The following DDX46 variants were observed in gnomAD, a reference collection of about 807,000 sequenced individuals.
The protein encoded by DDX46 is DEAD-box helicase 46, also known as probable ATP-dependent RNA helicase DDX46.
Under a neutral mutation model 134.9 loss-of-function variants are expected in DDX46, and 30 were observed. The ratio of observed to expected loss-of-function variants is 0.22; its 90% CI spans 0.17 to 0.30. DDX46 has a LOEUF of 0.30. Among genes scored for constraint, DDX46 ranks in the 10% least tolerant of loss-of-function variants. DDX46 has a pLI of 1.00. For missense variants in DDX46, 622 were observed against 1,248.7 expected (o/e 0.50, Z 7.56); for synonymous variants, 415 against 404.1 (o/e 1.03, Z -0.32).
intron 10 of DDX46, 121 bp from the exon 11 acceptor site, chr5:134,785,344 C>G (rs2150143054): frequency 1.6e-6 from 2 of 1,223,974 alleles, no homozygotes; most frequent in South Asian, 2.4e-5. Context: ...TTCAGGGATG[C>G]ATAACAAAAC....
intron 8 of DDX46, among the ~76,000 whole-genome samples, chr5:134,782,550 G>T (rs1221232435): frequency 6.6e-6 from 1 of 151,414 alleles, no homozygotes; most frequent in Non-Finnish European, 1.5e-5. Context: ...TCACTCCATT[G>T]CCCAGGCTAG....
At chr5:134,774,733 C>T (rs1753881644) in intron 5 of DDX46, among the ~76,000 whole-genome samples, 1 of 152,148 alleles carries the variant, frequency 6.6e-6, no homozygotes, top group Non-Finnish European at 1.5e-5. Flanking sequence ...GTTTCATTCT[C>T]TTGCCTAGGC....
intron 18 of DDX46, among the ~76,000 whole-genome samples, chr5:134,813,795 TG>T (rs1382502369): frequency 3.3e-5 from 5 of 151,756 alleles, no homozygotes; most frequent in African/African-American, 1.2e-4. Context: ...TATTTTAAAA[TG>T]TTTTTTTTTT....
intron 20 of DDX46, among the ~76,000 whole-genome samples, chr5:134,818,035 C>T (rs541290161): frequency 6.6e-6 from 1 of 151,548 alleles, no homozygotes; most frequent in Non-Finnish European, 1.5e-5. Flanking sequence ...CCTCAACCTC[C>T]GCCTCCCGGG....
chr5:134,781,847 G>A (rs1052389684), intron 7 of DDX46, 74 bp from the exon 8 acceptor site: 10 of 1,393,658 alleles, frequency 7.2e-6, no homozygotes, highest in South Asian at 1.3e-5. Flanking sequence ...GATTTGAAAA[G>A]CTAGGAGTAT....
chr5:134,795,211 TTTTTTTTTG>T (rs1158243236), intron 14 of DDX46, among the ~76,000 whole-genome samples, 197 bp downstream of exon 14: 316 of 141,134 alleles, frequency 2.2e-3, no homozygotes, highest in African/African-American at 8.3e-3. Context: ...CTTGTTTTTT[TTTTTTTTTG>T]TTTTTTTTTT....
chr5:134,797,324 T>C, intron 15 of DDX46: 2 of 206,888 alleles, frequency 9.7e-6, no homozygotes, highest in South Asian at 6.7e-5. Context: ...CTTATGAATC[T>C]TCAATTTGCG....
chr5:134,770,832 AGTATTT>A (rs1205237748), intron 3 of DDX46, 65 bp from the exon 4 acceptor site: 1 of 1,345,078 alleles, frequency 7.4e-7, no homozygotes, highest in Non-Finnish European at 1.0e-6. Context: ...AAAAAAAAAA[AGTATTT>A]AAAAATGAAT....
chr5:134,823,185 G>A (rs1195362618), intron 21 of DDX46, among the ~76,000 whole-genome samples: 1 of 116,634 alleles, frequency 8.6e-6, no homozygotes, highest in Non-Finnish European at 1.7e-5. Flanking sequence ...TTTTTGACAT[G>A]GAGTCTCGCT....
At chr5:134,819,768 A>C (rs770283418) in intron 21 of DDX46, among the ~76,000 whole-genome samples, 12 of 151,692 alleles carry the variant, frequency 7.9e-5, no homozygotes, top group Non-Finnish European at 1.3e-4. Context: ...TCCTCAGCTC[A>C]AGGGACCCGC....
chr5:134,790,956 C>G (rs914993887), intron 13 of DDX46, among the ~76,000 whole-genome samples: 5 of 151,418 alleles, frequency 3.3e-5, no homozygotes, highest in Non-Finnish European at 7.4e-5. Flanking sequence ...TCCCGAGTAC[C>G]TGGGACTACA....
chr5:134,764,763 CTT>C (rs201278461), intron 2 of DDX46, among the ~76,000 whole-genome samples: 1 of 147,346 alleles, frequency 6.8e-6, no homozygotes, highest in Admixed American at 6.8e-5. Context: ...ATTTTCTTTC[CTT>C]TTTTTTTTGC....
At chr5:134,794,025 C>G (rs1404019607) in intron 13 of DDX46, among the ~76,000 whole-genome samples, 1 of 151,984 alleles carries the variant, frequency 6.6e-6, no homozygotes, top group African/African-American at 2.4e-5. Context: ...ATTTTAAATC[C>G]CCTGCTAGTC....
intron 13 of DDX46, among the ~76,000 whole-genome samples, chr5:134,792,656 T>C (rs1754537694): frequency 1.3e-5 from 2 of 152,202 alleles, no homozygotes; most frequent in South Asian, 4.1e-4. Context: ...CAACACAACA[T>C]TTTCCATTGA....
At chr5:134,820,979 C>T (rs1237073910) in intron 21 of DDX46, among the ~76,000 whole-genome samples, 1 of 150,598 alleles carries the variant, frequency 6.6e-6, no homozygotes, top group African/African-American at 2.4e-5. Context: ...AATTCTCGTG[C>T]CTCAGCCTCC....
At chr5:134,812,059 C>CTTTTTTT (rs767502728) in intron 18 of DDX46, among the ~76,000 whole-genome samples, 3 of 99,038 alleles carry the variant, frequency 3.0e-5, no homozygotes, top group Non-Finnish European at 6.0e-5. Flanking sequence ...GTGAAAAGTC[C>CTTTTTTT]TTTTTTTTTT....
intron 16 of DDX46, among the ~76,000 whole-genome samples, chr5:134,808,461 T>C (rs1755051508): frequency 6.6e-6 from 1 of 152,206 alleles, no homozygotes; most frequent in African/African-American, 2.4e-5. Flanking sequence ...ACTGGTTGTA[T>C]AGGTACTCAA....
At position 134,761,183 on chromosome 5, in the gene DDX46, G is replaced by A. The variant is rs575607595; in HGVS notation, c.17+2228G>A. Reference sequence around the variant, plus strand: ...TGGGACTGCAAGCGTGTGCCACCACGCTTTGCTAATTTTTGTATTTTTTGT... The same window carrying A: ...TGGGACTGCAAGCGTGTGCCACCACACTTTGCTAATTTTTGTATTTTTTGT... On this transcript the variant is annotated intron_variant, in intron 1 of 22. Transcript: ENST00000452510. Among the ~76,000 whole-genome samples, 135 of 152,158 alleles carry A rather than the reference G, an allele frequency of 8.9e-4. 4 individuals are homozygous for A. In the South Asian group the frequency reaches 0.027, roughly 30 times the overall value.
chr5:134,811,992 T>C, intron 18 of DDX46, 147 bp downstream of exon 18: 1 of 692,128 alleles, frequency 1.4e-6, no homozygotes, highest in Non-Finnish European at 2.2e-6. Context: ...ATCTGCCTAC[T>C]ACATACCAGT....
Sources: allele counts gnomAD v4.1 joint callset (sites outside exome capture counted in the v4.1 genomes callset), GRCh38; gene constraint gnomAD v4.1.1; transcripts MANE v1.5; gene names NCBI Gene and HGNC (gene_info 2026-07-23, HGNC 2026-07-21).